The following FGD6 variants were observed in gnomAD, a reference collection of about 807,000 sequenced individuals.
FGD6 encodes FYVE, RhoGEF and PH domain-containing protein 6.
Under a neutral mutation model 149.4 loss-of-function variants are expected in FGD6, and 90 were observed. The ratio of observed to expected loss-of-function variants is 0.60; its 90% CI spans 0.51 to 0.72. The LOEUF (loss-of-function observed/expected upper bound fraction) is 0.72. FGD6 is among the 30% of genes least tolerant of loss of function. The pLI, the probability that FGD6 is intolerant of heterozygous loss-of-function variation, is 0.00. For synonymous variants in FGD6, 527 were observed against 584.0 expected, an observed-to-expected ratio of 0.90 and a Z score of 1.41; for missense variants, 1,437 against 1,684.8, an observed-to-expected ratio of 0.85 and a Z score of 2.57.
intron 2 of FGD6, among the ~76,000 whole-genome samples, chr12:95,197,308 T>G (rs1482940238): frequency 6.6e-6 from 1 of 151,974 alleles, no homozygotes; most frequent in Non-Finnish European, 1.5e-5. Flanking sequence ...TGTGGTGGTG[T>G]GCACCTGTAA....
chr12:95,136,995 C>T (rs1305805618), intron 7 of FGD6, among the ~76,000 whole-genome samples: 1 of 152,082 alleles, frequency 6.6e-6, no homozygotes, highest in African/African-American at 2.4e-5. Context: ...ATATTCTTTC[C>T]AGCTAGGCAC....
chr12:95,138,711 C>A (rs1879756090), intron 6 of FGD6, among the ~76,000 whole-genome samples: 1 of 152,178 alleles, frequency 6.6e-6, no homozygotes, highest in South Asian at 2.1e-4. Flanking sequence ...CAGACTTCCA[C>A]TAATGGTTCT....
At chr12:95,194,797 T>A (rs1881696524) in intron 2 of FGD6, among the ~76,000 whole-genome samples, 1 of 152,188 alleles carries the variant, frequency 6.6e-6, no homozygotes. Context: ...CTAGTTGTGA[T>A]TCTTTACTAT....
intron 5 of FGD6, among the ~76,000 whole-genome samples, chr12:95,143,422 A>G (rs1346658087): frequency 6.6e-6 from 1 of 152,138 alleles, no homozygotes; most frequent in Non-Finnish European, 1.5e-5. Context: ...CAATGCTAAA[A>G]AACCTTTCAC....
chr12:95,084,400 T>C (rs1051245299), intron 20 of FGD6, 98 bp downstream of exon 20: 1 of 987,482 alleles, frequency 1.0e-6, no homozygotes, highest in Non-Finnish European at 1.4e-6. Flanking sequence ...GATGTAAATT[T>C]TGAGTTGTCC....
Position 95,209,407 on chromosome 12 carries a change from G to T in FGD6, c.1877C>A (p.Ser626Tyr), listed in dbSNP as rs142070726. Residue 626 changes from serine to tyrosine, a missense_variant, in exon 2 of 21, where the codon TCT becomes TAT. By Grantham distance (144) the Ser-to-Tyr change is moderately radical. Around this residue, in one of 2 missense-constraint regions of FGD6, gnomAD observed 1,055 missense variants for 1,146.0 expected, o/e 0.92. Transcript: ENST00000343958. ...KPCKDSTKKN[S>Y]FKKLLSMKLS... is the part of the protein sequence containing the mutation. Reference sequence around the variant, plus strand: ...TTTCATGCTGAGCAACTTTTTAAAAGAGTTTTTCTTTGTAGAGTCTTTGCA... The same window carrying T: ...TTTCATGCTGAGCAACTTTTTAAAATAGTTTTTCTTTGTAGAGTCTTTGCA... The T allele has an allele frequency of 6.2e-7, 1 of 1,613,016 alleles. No individual in the cohort carries two copies. The highest frequency in any genetic ancestry group is 1.3e-5 in the African/African-American group (1 of 75,004).
At chr12:95,148,571 TAA>T (rs1491422366) in intron 5 of FGD6, among the ~76,000 whole-genome samples, 1 of 137,080 alleles carries the variant, frequency 7.3e-6, no homozygotes, top group African/African-American at 2.7e-5. Context: ...ATATATTATA[TAA>T]TACATAGCAT....
At chr12:95,104,861 C>G in intron 14 of FGD6, 146 bp downstream of exon 14, 1 of 636,098 alleles carries the variant, frequency 1.6e-6, no homozygotes, top group East Asian at 2.8e-5. Flanking sequence ...TGCAGTGAGC[C>G]GTGATTGTGC....
At chr12:95,173,445 T>C (rs750011052) in intron 2 of FGD6, among the ~76,000 whole-genome samples, 5 of 152,190 alleles carry the variant, frequency 3.3e-5, no homozygotes, top group African/African-American at 4.8e-5. Context: ...GTGATTCTGA[T>C]ACAAGCTGAA....
At chr12:95,126,729 T>C (rs1879356282) in intron 8 of FGD6, among the ~76,000 whole-genome samples, 1 of 34,682 alleles carries the variant, frequency 2.9e-5, no homozygotes, top group African/African-American at 2.3e-4. Context: ...AGACTCAGTC[T>C]CAAAAAAAAA....
At chr12:95,182,251 G>A (rs1044889400) in intron 2 of FGD6, among the ~76,000 whole-genome samples, 6 of 142,646 alleles carry the variant, frequency 4.2e-5, no homozygotes, top group Non-Finnish European at 4.5e-5. Context: ...GATGGAAGCT[G>A]GAGTGTAGTG....
At chr12:95,129,901 T>A (rs185944085) in intron 8 of FGD6, among the ~76,000 whole-genome samples, 2 of 152,288 alleles carry the variant, frequency 1.3e-5, no homozygotes, top group African/African-American at 4.8e-5. Flanking sequence ...CTCGAACTTC[T>A]GAGCTCAAGC....
chr12:95,153,004 G>A lies in FGD6; in HGVS notation c.2587-11C>T, dbSNP rs757468317. 1.9e-6 allele frequency: 3 copies of A among 1,611,784 alleles called. No homozygotes were observed. The highest frequency in any genetic ancestry group is 3.3e-5 in the Admixed American group (2 of 60,016). On this transcript the variant is annotated splice_polypyrimidine_tract_variant and intron_variant, in intron 3 of 20. Coordinates refer to ENST00000343958, the MANE Select transcript of FGD6 (RefSeq NM_018351.4). The stretch of plus-strand genomic sequence containing the variant: ...TCCATTATCTTCATCCTGTGGATAA[G>A]AGCACATTTAACATGAACTCATAAA...
chr12:95,201,981 CACACA>C (rs1251711879), intron 2 of FGD6, among the ~76,000 whole-genome samples: 2 of 151,556 alleles, frequency 1.3e-5, no homozygotes, highest in East Asian at 1.9e-4. Flanking sequence ...CACACACACA[CACACA>C]CACACACACA....
intron 2 of FGD6, among the ~76,000 whole-genome samples, chr12:95,205,232 T>C (rs976932972): frequency 6.6e-6 from 1 of 150,434 alleles, no homozygotes; most frequent in African/African-American, 2.5e-5. Context: ...GGTGCCACTG[T>C]ACTCCAGCCT....
At chr12:95,116,893 C>A (rs1347067642) in intron 8 of FGD6, 1 of 455,940 alleles carries the variant, frequency 2.2e-6, no homozygotes, top group Non-Finnish European at 4.4e-6. Context: ...TCACCTGGGG[C>A]CTTAACTGCA....
chr12:95,192,471 CA>C lies in FGD6; in HGVS notation c.2441+16371del, dbSNP rs749173751. Among the ~76,000 whole-genome samples the C allele has an allele frequency of 5.1e-4, 78 of 152,278 alleles. 1 individual carries two copies. The highest frequency in any genetic ancestry group is 8.8e-4 in the Non-Finnish European group (60 of 68,024). Reference sequence around the variant, plus strand: ...GAGAAGGGAGTGGAGGCACAATGTACAAAAATTCACTTCCTCATTCATTCTT... The same window carrying C: ...GAGAAGGGAGTGGAGGCACAATGTACAAAATTCACTTCCTCATTCATTCTT... On this transcript the variant is annotated intron_variant, in intron 2 of 20. Transcript: ENST00000343958.
chr12:95,197,959 T>A (rs1205733478), intron 2 of FGD6, among the ~76,000 whole-genome samples: 2 of 152,172 alleles, frequency 1.3e-5, no homozygotes, highest in African/African-American at 2.4e-5. Context: ...AGCTTTCCAA[T>A]CAATGAACTC....
intron 6 of FGD6, among the ~76,000 whole-genome samples, chr12:95,139,148 T>C (rs113302079): frequency 9.9e-5 from 15 of 152,184 alleles, no homozygotes; most frequent in African/African-American, 3.4e-4. Context: ...TTTTAATAAA[T>C]AGAAAATTAG....
Sources: allele counts gnomAD v4.1 joint callset (sites outside exome capture counted in the v4.1 genomes callset), GRCh38; gene constraint gnomAD v4.1.1; regional missense constraint gnomAD v4.1.1; transcripts MANE v1.5; gene names NCBI Gene and HGNC (gene_info 2026-07-23, HGNC 2026-07-21).